Variants in ATRNL1 observed in about 807,000 individuals in gnomAD.
The protein encoded by ATRNL1 is attractin like 1, also known as attractin-like protein 1.
A neutral mutation model predicts 182.7 loss-of-function variants in ATRNL1; 95 were observed. That is an observed-to-expected ratio of 0.52 (90% CI 0.44 to 0.62). The LOEUF (loss-of-function observed/expected upper bound fraction) is 0.62. Ranked by LOEUF, ATRNL1 falls within the 20% of genes least tolerant of loss-of-function variation. The pLI is 0.00. For missense variants in ATRNL1, 1,471 were observed against 1,679.5 expected (o/e 0.88, Z 2.17); for synonymous variants, 576 against 568.3 (o/e 1.01, Z -0.19).
chr10:115,397,495 T>C (rs578022798), intron 20 of ATRNL1, among the ~76,000 whole-genome samples: 2 of 152,136 alleles, frequency 1.3e-5, no homozygotes, highest in East Asian at 1.9e-4. Flanking sequence ...GAGTGAACTT[T>C]TGGGGGGACC....
At position 115,170,105 on chromosome 10, in the gene ATRNL1, C is replaced by A. The variant is rs1368063643; in HGVS notation, c.1093-932C>A. ...TGCAAATAGAAATATTTTACTTCTT[C>A]TTTCCAATCTGGATGTCTTTATTTA... On this transcript the variant is annotated intron_variant, in intron 7 of 28. Coordinates refer to ENST00000355044, the MANE Select transcript of ATRNL1 (RefSeq NM_207303.4). 2.6e-5 allele frequency among the ~76,000 whole-genome samples: 4 copies of A among 152,272 alleles called. No homozygotes were observed. In the South Asian group the frequency reaches 6.2e-4, roughly 24 times the overall value.
At chr10:115,533,123 A>T (rs1238135043) in intron 25 of ATRNL1, among the ~76,000 whole-genome samples, 1 of 152,188 alleles carries the variant, frequency 6.6e-6, no homozygotes, top group Non-Finnish European at 1.5e-5. Context: ...CCTCATAATG[A>T]GTTAGGGAGG....
At chr10:115,602,597 C>T (rs1463071967) in intron 26 of ATRNL1, among the ~76,000 whole-genome samples, 2 of 152,158 alleles carry the variant, frequency 1.3e-5, no homozygotes, top group African/African-American at 4.8e-5. Context: ...GGCGCAGTGG[C>T]TCATGCCTGT....
intron 13 of ATRNL1, among the ~76,000 whole-genome samples, chr10:115,275,762 G>C (rs1001716390): frequency 1.1e-4 from 17 of 152,064 alleles, no homozygotes; most frequent in Non-Finnish European, 2.9e-5. Context: ...GTGTCTTCTG[G>C]ACCCTCTCAG....
chr10:115,098,708 C>T (rs1004215137), intron 1 of ATRNL1, among the ~76,000 whole-genome samples: 13 of 151,870 alleles, frequency 8.6e-5, no homozygotes, highest in Admixed American at 2.6e-4. Flanking sequence ...CCACCCGCCT[C>T]GGCCTCCTAA....
At chr10:115,107,662 T>TCTG (rs1396806603) in intron 1 of ATRNL1, among the ~76,000 whole-genome samples, 7 of 152,204 alleles carry the variant, frequency 4.6e-5, no homozygotes, top group Admixed American at 2.0e-4. Flanking sequence ...TTATGATGAG[T>TCTG]CTGCTGCTGT....
chr10:115,155,202 G>T (rs568065020), intron 5 of ATRNL1, among the ~76,000 whole-genome samples: 3 of 151,482 alleles, frequency 2.0e-5, no homozygotes, highest in Non-Finnish European at 4.4e-5. Context: ...CAGGTGGTAT[G>T]AGTTTCCTGC....
At chr10:115,781,209 C>T (rs1355319375) in intron 27 of ATRNL1, among the ~76,000 whole-genome samples, 2 of 152,120 alleles carry the variant, frequency 1.3e-5, no homozygotes, top group Non-Finnish European at 2.9e-5. Context: ...TCACCAAATC[C>T]AAGCAAAGAT....
chr10:115,460,123 G>C (rs1346191614), intron 21 of ATRNL1, among the ~76,000 whole-genome samples: 1 of 152,054 alleles, frequency 6.6e-6, no homozygotes, highest in Non-Finnish European at 1.5e-5. Context: ...TTCAGGCTCT[G>C]ATTATTTAAC....
At chr10:115,174,607 A>G (rs1389432458) in intron 8 of ATRNL1, among the ~76,000 whole-genome samples, 1 of 152,008 alleles carries the variant, frequency 6.6e-6, no homozygotes, top group Non-Finnish European at 1.5e-5. Flanking sequence ...GATAGTAAAT[A>G]TCTTAGGCTT....
chr10:115,096,546 C>A, intron 1 of ATRNL1: 1 of 656,386 alleles, frequency 1.5e-6, no homozygotes, highest in South Asian at 1.6e-5. Context: ...GGATAGCAAC[C>A]TTACAAACAG....
intron 27 of ATRNL1, among the ~76,000 whole-genome samples, chr10:115,811,039 C>T (rs1398757313): frequency 6.6e-6 from 1 of 151,516 alleles, no homozygotes; most frequent in Non-Finnish European, 1.5e-5. Context: ...GTTTAATTTA[C>T]TATTCGTTAG....
chr10:115,702,113 A>G (rs1181976383), intron 26 of ATRNL1, among the ~76,000 whole-genome samples: 1 of 152,078 alleles, frequency 6.6e-6, no homozygotes, highest in African/African-American at 2.4e-5. Flanking sequence ...GGTTGGTTCA[A>G]CATATGCAAA....
chr10:115,521,847 C>T (rs1176100290), intron 25 of ATRNL1, among the ~76,000 whole-genome samples: 1 of 152,104 alleles, frequency 6.6e-6, no homozygotes, highest in Non-Finnish European at 1.5e-5. Context: ...TATTTTGAAG[C>T]TTATCAATTA....
rs781866669 is a variant in ATRNL1, at chr10:115,215,688, C to T, written c.1349-9C>T. ...TTGAAATTTATAATGTATTTTATTT[C>T]TGTTACAGCATCAAACACTTGGCTT... On this transcript the variant is annotated splice_polypyrimidine_tract_variant and intron_variant, in intron 8 of 28. Transcript: ENST00000355044. 9 of 1,573,080 alleles carry T rather than the reference C, an allele frequency of 5.7e-6. No homozygotes were observed. In the South Asian group the frequency reaches 1.1e-4, roughly 19 times the overall value.
At chr10:115,625,540 A>T (rs1555024381) in intron 26 of ATRNL1, among the ~76,000 whole-genome samples, 1 of 152,164 alleles carries the variant, frequency 6.6e-6, no homozygotes, top group Non-Finnish European at 1.5e-5. Flanking sequence ...AAGTTTAGAA[A>T]AGAAAGAAAA....
At chr10:115,559,601 C>A (rs762746780) in intron 26 of ATRNL1, among the ~76,000 whole-genome samples, 38 of 152,146 alleles carry the variant, frequency 2.5e-4, no homozygotes, top group South Asian at 6.2e-4. Flanking sequence ...TTGCCTAGAT[C>A]TTGATTTCTA....
chr10:115,140,410 G>A (rs937374698), intron 5 of ATRNL1, among the ~76,000 whole-genome samples: 2 of 152,162 alleles, frequency 1.3e-5, no homozygotes, highest in African/African-American at 4.8e-5. Flanking sequence ...GGGCTAATTT[G>A]TTCTCTCATG....
rs1270882248 is a variant in ATRNL1 at position 115,093,588 on chromosome 10, G to C, written c.-163G>C. On this transcript the variant is annotated 5_prime_UTR_variant, in exon 1 of 29. Coordinates refer to ENST00000355044, the MANE Select transcript of ATRNL1 (RefSeq NM_207303.4). The surrounding 1 kb of genome is among the most constrained non-coding windows in gnomAD (Gnocchi z 6.1). ...AGGCAGCCGAGCGGAGGCGACGGCG[G>C]TTGGGATCTGTCCCTCCTGACCGGG... 3 of 813,862 alleles carry C rather than the reference G, an allele frequency of 3.7e-6. No individual in the cohort carries two copies. The African/African-American group carries it at 5.3e-5, about 14-fold the overall frequency. 50.4% of individuals were successfully genotyped at this position (813,862 alleles called of 1,614,324 possible). A position where few individuals can be genotyped will look rare whatever the true frequency, so the allele number is the denominator to read the frequency against.
Sources: allele counts gnomAD v4.1 joint callset (sites outside exome capture counted in the v4.1 genomes callset), GRCh38; gene constraint gnomAD v4.1.1; non-coding constraint Gnocchi (gnomAD v3.1); transcripts MANE v1.5; gene names NCBI Gene and HGNC (gene_info 2026-07-23, HGNC 2026-07-21).